P3H2: variants seen among roughly 807,000 people sequenced by gnomAD.
The protein encoded by P3H2 is prolyl 3-hydroxylase 2.
A neutral mutation model predicts 87.0 loss-of-function variants in P3H2; 80 were observed. The observed-to-expected ratio is 0.92, with a 90% CI of 0.77 to 1.11. P3H2 has a LOEUF of 1.11. Among genes scored for constraint, P3H2 ranks in the 50% least tolerant of loss-of-function variants. P3H2 has a pLI of 0.00. For missense variants in P3H2, 1,001 were observed against 923.9 expected (o/e 1.08, Z -1.08); for synonymous variants, 367 against 359.3 (o/e 1.02, Z -0.24).
chr3:190,114,422 G>A (rs1203140098), intron 1 of P3H2, among the ~76,000 whole-genome samples: 5 of 151,990 alleles, frequency 3.3e-5, no homozygotes. Context: ...TCCTGACCTC[G>A]TGATACGCCC....
In P3H2 at chr3:189,999,673, G is replaced by A. The variant is rs370570577; in HGVS notation, c.481-4231C>T. 3.9e-4 allele frequency among the ~76,000 whole-genome samples: 60 copies of A among 152,270 alleles called. No homozygotes were observed. In the South Asian group the frequency reaches 0.012, roughly 30 times the overall value. ...GACCTAATTAAAACAAACCACAGGA[G>A]CGAGTAAGTCTAATATGGGGGTAAC... is the stretch of plus-strand genomic sequence containing the variant. On this transcript the variant is annotated intron_variant, in intron 1 of 14. Coordinates refer to ENST00000319332, the MANE Select transcript of P3H2 (RefSeq NM_018192.4).
intron 1 of P3H2, among the ~76,000 whole-genome samples, chr3:190,030,148 TGAGAA>T (rs1725208692): frequency 6.6e-6 from 1 of 152,036 alleles, no homozygotes; most frequent in South Asian, 2.1e-4. Context: ...AAACATATAA[TGAGAA>T]AAGATAATAT....
intron 1 of P3H2, among the ~76,000 whole-genome samples, chr3:190,067,491 G>A (rs1577306432): frequency 6.6e-6 from 1 of 152,002 alleles, no homozygotes; most frequent in Admixed American, 6.6e-5. Flanking sequence ...ATCTCCCTAT[G>A]ACAAATTCTC....
chr3:190,026,466 TGA>T (rs1725088019), intron 1 of P3H2, among the ~76,000 whole-genome samples: 1 of 152,174 alleles, frequency 6.6e-6, no homozygotes, highest in South Asian at 2.1e-4. Flanking sequence ...AAGATGGCGC[TGA>T]GAGTCACCTC....
intron 1 of P3H2, among the ~76,000 whole-genome samples, chr3:190,113,650 C>A (rs1052079858): frequency 6.6e-6 from 1 of 152,222 alleles, no homozygotes; most frequent in Admixed American, 6.5e-5. Flanking sequence ...GACATTTTAT[C>A]AAGCATTTCC....
intron 1 of P3H2, among the ~76,000 whole-genome samples, chr3:190,022,928 G>A (rs1381668050): frequency 2.0e-5 from 3 of 152,052 alleles, no homozygotes; most frequent in Admixed American, 1.3e-4. Flanking sequence ...CCGGGTTCAC[G>A]CCATTCTCCT....
intron 13 of P3H2, among the ~76,000 whole-genome samples, chr3:189,968,423 C>T (rs1292526671): frequency 6.6e-6 from 1 of 152,176 alleles, no homozygotes; most frequent in Non-Finnish European, 1.5e-5. Context: ...AGGACATGAA[C>T]TCATCCTTTT....
At position 190,016,791 on chromosome 3, in the gene P3H2, T is replaced by C. The variant is rs1165962539; in HGVS notation, c.481-21349A>G. On this transcript the variant is annotated intron_variant, in intron 1 of 14. Transcript: ENST00000319332. ...CTGCAGAGTTCTGTCAATTGTCCCA[T>C]GACCCCCTTCTTGCACGCATTCAGC... is the stretch of plus-strand genomic sequence containing the variant. 3.3e-5 allele frequency among the ~76,000 whole-genome samples: 5 copies of C among 152,228 alleles called. No individual in the cohort carries two copies. In the East Asian group the frequency reaches 7.7e-4, roughly 23 times the overall value.
intron 1 of P3H2, among the ~76,000 whole-genome samples, chr3:190,033,263 G>C (rs1364867757): frequency 1.3e-5 from 2 of 152,068 alleles, no homozygotes; most frequent in East Asian, 3.9e-4. Flanking sequence ...ATGGGCCACA[G>C]ACTTGTACGG....
rs567852141 is a variant in P3H2, at chr3:190,107,691, C to G, written c.480+12561G>C. 5.1e-4 allele frequency among the ~76,000 whole-genome samples: 78 copies of G among 152,238 alleles called. No homozygotes were observed. In the Middle Eastern group the frequency reaches 0.031, roughly 60 times the overall value. ...TATCAAACTTAAAAAATCTTTAAAG[C>G]TACAATTCACTTACATTTAGCTTTG... On this transcript the variant is annotated intron_variant, in intron 1 of 14. Coordinates refer to ENST00000319332, the MANE Select transcript of P3H2 (RefSeq NM_018192.4).
chr3:190,066,293 A>C (rs888534062), intron 1 of P3H2, among the ~76,000 whole-genome samples: 8 of 152,138 alleles, frequency 5.3e-5, no homozygotes, highest in Admixed American at 4.6e-4. Context: ...ATATGATGGA[A>C]TACTACTCAG....
chr3:190,002,967 G>T (rs79409411), intron 1 of P3H2, among the ~76,000 whole-genome samples: 3,368 of 152,234 alleles, frequency 0.022, 137 homozygotes, highest in African/African-American at 0.077. Flanking sequence ...AAGTTAGGTG[G>T]CCATGCTAAT....
At chr3:190,113,697 A>G (rs1197417997) in intron 1 of P3H2, among the ~76,000 whole-genome samples, 1 of 152,216 alleles carries the variant, frequency 6.6e-6, no homozygotes, top group East Asian at 1.9e-4. Context: ...GAGTTTATCA[A>G]TGAGCAGATG....
chr3:190,047,050 A>C (rs867947763), intron 1 of P3H2, among the ~76,000 whole-genome samples: 1 of 121,094 alleles, frequency 8.3e-6, no homozygotes, highest in Non-Finnish European at 1.9e-5. Flanking sequence ...ACAAAACAAA[A>C]AAACAAATAA....
At chr3:189,972,486 T>C (rs1365784030) in intron 11 of P3H2, among the ~76,000 whole-genome samples, 2 of 152,194 alleles carry the variant, frequency 1.3e-5, no homozygotes, top group African/African-American at 4.8e-5. Context: ...TCCCGGTCTT[T>C]TTAAGAGTAT....
chr3:190,074,118 T>C (rs1726791645), intron 1 of P3H2, among the ~76,000 whole-genome samples: 1 of 152,220 alleles, frequency 6.6e-6, no homozygotes, highest in South Asian at 2.1e-4. Flanking sequence ...AATTATTTGA[T>C]CTTGTGGTGT....
chr3:189,993,039 T>C (rs368228420), intron 3 of P3H2, among the ~76,000 whole-genome samples: 1 of 152,212 alleles, frequency 6.6e-6, no homozygotes, highest in African/African-American at 2.4e-5. Context: ...GAAGAGCTTT[T>C]CTGCTGGGCG....
chr3:190,110,619 A>G (rs906537671), intron 1 of P3H2, among the ~76,000 whole-genome samples: 12 of 152,216 alleles, frequency 7.9e-5, no homozygotes, highest in African/African-American at 2.9e-4. Context: ...AATAATTTGT[A>G]TGGTCTACTG....
intron 4 of P3H2, among the ~76,000 whole-genome samples, chr3:189,988,323 GT>G (rs1723768164): frequency 6.6e-6 from 1 of 151,928 alleles, no homozygotes; most frequent in Admixed American, 6.6e-5. Context: ...TGTATGCCTT[GT>G]TTTCAAATAG....
Sources: gnomAD v4.1 joint callset for allele counts (sites outside exome capture counted in the v4.1 genomes callset) on GRCh38, gnomAD v4.1.1 for gene constraint, MANE v1.5 for transcripts, NCBI Gene and HGNC (gene_info 2026-07-23, HGNC 2026-07-21) for gene names.